CNOT1: variants seen among roughly 807,000 people sequenced by gnomAD.
CNOT1 encodes CCR4-associated factor 1.
CNOT1 carries 15 observed loss-of-function variants against 273.8 expected under a neutral mutation model. The observed-to-expected ratio is 0.05, with a 90% confidence interval of 0.04 to 0.08. The LOEUF (loss-of-function observed/expected upper bound fraction) is 0.08, where lower values mean the gene tolerates loss of function less well. Among genes scored for constraint, CNOT1 ranks in the 10% least tolerant of loss-of-function variants. The pLI is 1.00. For missense variants in CNOT1, 1,644 were observed against 2,912.2 expected (o/e 0.56, Z 10.02); for synonymous variants, 1,022 against 1,005.5 (o/e 1.02, Z -0.31).
intron 1 of CNOT1, among the ~76,000 whole-genome samples, chr16:58,625,393 T>C (rs1408283408): frequency 6.6e-6 from 1 of 152,170 alleles, no homozygotes; most frequent in Non-Finnish European, 1.5e-5. Flanking sequence ...GCGCCTGTAA[T>C]CCCAGCTATT....
chr16:58,543,459 A>T, intron 31 of CNOT1, 148 bp downstream of exon 31: 1 of 1,500,658 alleles, frequency 6.7e-7, no homozygotes, highest in African/African-American at 1.4e-5. Flanking sequence ...ACAGAATTAC[A>T]ATCTAAAATG....
intron 2 of CNOT1, among the ~76,000 whole-genome samples, chr16:58,596,314 G>A (rs1283300944): frequency 6.6e-5 from 10 of 152,108 alleles, no homozygotes; most frequent in Admixed American, 4.6e-4. Flanking sequence ...CTAGGTTCTC[G>A]GCATATGCTC....
Position 58,587,378 on chromosome 16 carries a change from C to T in CNOT1, c.345G>A (p.Leu115=). Residue 115 remains leucine, a synonymous_variant, in exon 5 of 49, where the codon CTG becomes CTA. Transcript: ENST00000317147. ...LKPAPHLFAQ[L]SKVLKLSKVQ... Reference sequence around the variant, plus strand: ...CTTTGCTTAATTTGAGCACTTTACTCAGCTGGGCAAATAAGTGGGGTGCAG... The same window carrying T: ...CTTTGCTTAATTTGAGCACTTTACTTAGCTGGGCAAATAAGTGGGGTGCAG... 1 of 1,613,952 alleles carries T rather than the reference C, an allele frequency of 6.2e-7. No homozygotes were observed. Among genetic ancestry groups the T allele is most frequent in the Non-Finnish European group, 8.5e-7 (1 of 1,179,990 alleles).
Position 58,531,942 on chromosome 16 carries a change from T to TA in CNOT1, c.6177+15dup, listed in dbSNP as rs2039790833. ...AGTTATAGTCTTCATCTACAGGAGA[T>TA]AAACTGCAGCCACACCTTCTGCTGT... On this transcript the variant is annotated intron_variant, in intron 42 of 48. Coordinates refer to ENST00000317147, the MANE Select transcript of CNOT1 (RefSeq NM_016284.5). 2 of 1,613,836 alleles carry TA rather than the reference T, an allele frequency of 1.2e-6. No individual in the cohort carries two copies. Among genetic ancestry groups the TA allele is most frequent in the Non-Finnish European group, 8.5e-7 (1 of 1,179,912 alleles).
At chr16:58,523,580 T>A in intron 46 of CNOT1, 78 bp from the exon 47 acceptor site, 14 of 1,401,024 alleles carry the variant, frequency 1.0e-5, no homozygotes, top group Non-Finnish European at 1.4e-5. Flanking sequence ...GGCTAGGGTT[T>A]GGGTTTCTGA....
chr16:58,568,587 G>T (rs1422474958), intron 16 of CNOT1, among the ~76,000 whole-genome samples: 1 of 147,352 alleles, frequency 6.8e-6, no homozygotes, highest in Admixed American at 6.8e-5. Context: ...AGCTGAGGCA[G>T]GAGAATCGCT....
Position 58,600,281 on chromosome 16 carries a change from G to A in CNOT1, c.-174-770C>T, listed in dbSNP as rs566810989. Among the ~76,000 whole-genome samples, 23 of 152,242 alleles carry A rather than the reference G, an allele frequency of 1.5e-4. No individual in the cohort carries two copies. In the South Asian group the frequency reaches 4.3e-3, roughly 29 times the overall value. ...GGGAATTGCTTGAACCAGGTGAGCC[G>A]AGATCATGCCACTGCATTCCAGCCT... On this transcript the variant is annotated intron_variant, in intron 1 of 48. Coordinates refer to ENST00000317147, the MANE Select transcript of CNOT1 (RefSeq NM_016284.5).
At chr16:58,575,184 T>C (rs200666379) in intron 14 of CNOT1, 55 bp from the exon 15 acceptor site, 2 of 1,579,076 alleles carry the variant, frequency 1.3e-6, no homozygotes, top group Non-Finnish European at 1.7e-6. Context: ...TAACTATCTC[T>C]GTCCCATATT....
Position 58,520,941 on chromosome 16 carries a change from C to G in CNOT1, c.*17G>C. ...GAGACCTCTAGACTGACACGTACAA[C>G]AGAGATGCAGTTTCGTCTAACTGGC... On this transcript the variant is annotated 3_prime_UTR_variant, in exon 49 of 49. Coordinates refer to ENST00000317147, the MANE Select transcript of CNOT1 (RefSeq NM_016284.5). The G allele has an allele frequency of 1.2e-6, 2 of 1,611,666 alleles. No individual in the cohort carries two copies. The highest frequency in any genetic ancestry group is 3.3e-5 in the Admixed American group (2 of 60,022).
At chr16:58,521,161 T>A in intron 48 of CNOT1, 22 bp downstream of exon 48, 1 of 1,612,928 alleles carries the variant, frequency 6.2e-7, no homozygotes, top group Non-Finnish European at 8.5e-7. Flanking sequence ...TCCTAGACAA[T>A]TAAAAATTAC....
intron 1 of CNOT1, among the ~76,000 whole-genome samples, chr16:58,628,738 T>C (rs2043689484): frequency 6.6e-6 from 1 of 152,204 alleles, no homozygotes; most frequent in Admixed American, 6.6e-5. Flanking sequence ...TTTGATTAAC[T>C]TCATGGGAAA....
chr16:58,555,620 A>G (rs1282377892), intron 20 of CNOT1, 83 bp from the exon 21 acceptor site: 4 of 1,547,180 alleles, frequency 2.6e-6, no homozygotes, highest in East Asian at 2.2e-5. Flanking sequence ...ACAAAAGACT[A>G]TTAAGTAGAA....
Position 58,575,131 on chromosome 16 carries a change from TA to T in CNOT1, c.1705-3del. On this transcript the variant is annotated splice_polypyrimidine_tract_variant and splice_region_variant and intron_variant, in intron 14 of 48. Coordinates refer to ENST00000317147, the MANE Select transcript of CNOT1 (RefSeq NM_016284.5). ...ACCATTTAGCAGCATTGACAAGGCC[TA>T]AAGGACAAAGCACATTAGATAATGC... 2.5e-6 allele frequency: 4 copies of T among 1,612,790 alleles called. No individual in the cohort carries two copies. Among genetic ancestry groups the T allele is most frequent in the Non-Finnish European group, 3.4e-6 (4 of 1,179,752 alleles).
intron 1 of CNOT1, among the ~76,000 whole-genome samples, chr16:58,613,188 C>T (rs996371262): frequency 2.0e-5 from 3 of 152,074 alleles, no homozygotes; most frequent in Admixed American, 1.3e-4. Flanking sequence ...TGCGCCAACA[C>T]GCCCAGCTAA....
intron 1 of CNOT1, among the ~76,000 whole-genome samples, chr16:58,627,194 G>A (rs1485385157): frequency 1.3e-5 from 2 of 151,992 alleles, no homozygotes; most frequent in African/African-American, 2.4e-5. Flanking sequence ...GGATCATGAA[G>A]TTAAGAGTTC....
intron 34 of CNOT1, 57 bp downstream of exon 34, chr16:58,541,444 G>A: frequency 2.5e-6 from 4 of 1,585,260 alleles, no homozygotes; most frequent in Non-Finnish European, 2.6e-6. Flanking sequence ...TATATTAAAT[G>A]TCAAAAACAT....
At chr16:58,598,149 A>G (rs2042327308) in intron 2 of CNOT1, among the ~76,000 whole-genome samples, 1 of 151,974 alleles carries the variant, frequency 6.6e-6, no homozygotes, top group African/African-American at 2.4e-5. Flanking sequence ...CTGTAATCCT[A>G]GCACTTTGGG....
intron 39 of CNOT1, among the ~76,000 whole-genome samples, chr16:58,535,765 G>A (rs555719884): frequency 6.7e-4 from 101 of 150,566 alleles, no homozygotes; most frequent in Non-Finnish European, 1.2e-3. Flanking sequence ...ACGGAGCCTC[G>A]CTCTGTCGCC....
rs1432879810 is a variant in CNOT1, at chr16:58,615,050, G to C, written c.-175+14678C>G. Among the ~76,000 whole-genome samples the C allele has an allele frequency of 2.4e-5, 3 of 123,526 alleles. 1 individual carries two copies. Among genetic ancestry groups the C allele is most frequent in the African/African-American group, 8.2e-5 (3 of 36,706 alleles). The allele number at this position is 123,526 out of a possible 152,430, so 81.0% of individuals were successfully genotyped here. The stretch of plus-strand genomic sequence containing the variant: ...AAAAAAAAAAAAAAATCAGCCCTGG[G>C]CTTTTCTCCTAGTGAATTACTGAAC... On this transcript the variant is annotated intron_variant, in intron 1 of 48. Coordinates refer to ENST00000317147, the MANE Select transcript of CNOT1 (RefSeq NM_016284.5).
Sources: gnomAD v4.1 joint callset for allele counts (sites outside exome capture counted in the v4.1 genomes callset) on GRCh38, gnomAD v4.1.1 for gene constraint, MANE v1.5 for transcripts, NCBI Gene and HGNC (gene_info 2026-07-23, HGNC 2026-07-21) for gene names.